Variants in ZNF827 observed in about 807,000 individuals in gnomAD.
The protein encoded by ZNF827 is zinc finger protein 827.
Under a neutral mutation model 102.4 loss-of-function variants are expected in ZNF827, and 13 were observed. The observed-to-expected ratio is 0.13, with a 90% CI of 0.08 to 0.20. The LOEUF (loss-of-function observed/expected upper bound fraction) is 0.20, where lower values mean the gene tolerates loss of function less well. ZNF827 is among the 10% of genes least tolerant of loss of function. ZNF827 has a pLI of 1.00. For missense variants in ZNF827, 1,103 were observed against 1,344.4 expected (o/e 0.82, Z 2.81); for synonymous variants, 523 against 536.2 (o/e 0.98, Z 0.34).
intron 2 of ZNF827, among the ~76,000 whole-genome samples, chr4:145,901,556 G>A (rs1751416227): frequency 6.6e-6 from 1 of 152,210 alleles, no homozygotes; most frequent in Non-Finnish European, 1.5e-5. Context: ...CAGGAAATGT[G>A]TTGATTATGT....
intron 1 of ZNF827, among the ~76,000 whole-genome samples, chr4:145,931,475 A>G (rs1378200495): frequency 6.6e-6 from 1 of 152,224 alleles, no homozygotes; most frequent in East Asian, 1.9e-4. Context: ...TTTTTTTCCA[A>G]TAAGAGAAAA....
At chr4:145,786,083 C>A (rs767509188) in intron 8 of ZNF827, among the ~76,000 whole-genome samples, 4 of 152,168 alleles carry the variant, frequency 2.6e-5, no homozygotes, top group African/African-American at 7.2e-5. Flanking sequence ...TTCCCTTGAA[C>A]CTTTCATTGC....
At position 145,849,190 on chromosome 4, in the gene ZNF827, G is replaced by A. The variant is rs1746278229; in HGVS notation, c.2221+132C>T. The A allele has an allele frequency of 7.3e-6, 9 of 1,231,348 alleles. No individual in the cohort carries two copies. In the South Asian group the frequency reaches 1.3e-4, roughly 18 times the overall value. The allele number at this position is 1,231,348 out of a possible 1,614,324, so 76.3% of individuals were successfully genotyped here. ...TGTTAGTTTGGGTGGCAGTATGCAT[G>A]TTAAAGCAACAAAATTGATTTCTGT... On this transcript the variant is annotated intron_variant, in intron 6 of 14. Coordinates refer to ENST00000508784, the MANE Select transcript of ZNF827 (RefSeq NM_001306215.2).
chr4:145,781,301 A>G (rs1267163266), intron 8 of ZNF827, among the ~76,000 whole-genome samples: 1 of 151,948 alleles, frequency 6.6e-6, no homozygotes, highest in Non-Finnish European at 1.5e-5. Context: ...ATTTCACACA[A>G]TTTGGCTAAA....
At chr4:145,906,093 G>A (rs934279651) in intron 1 of ZNF827, among the ~76,000 whole-genome samples, 1 of 152,160 alleles carries the variant, frequency 6.6e-6, no homozygotes, top group African/African-American at 2.4e-5. Context: ...GTTAAGTAAA[G>A]GTTACTGGCT....
chr4:145,937,086 T>A (rs1754238843), intron 1 of ZNF827, among the ~76,000 whole-genome samples: 1 of 152,034 alleles, frequency 6.6e-6, no homozygotes, highest in Non-Finnish European at 1.5e-5. Context: ...TTCTTTCTCC[T>A]TCACTTTTAG....
intron 1 of ZNF827, among the ~76,000 whole-genome samples, chr4:145,930,905 A>G (rs1220344910): frequency 6.6e-6 from 1 of 152,188 alleles, no homozygotes; most frequent in Non-Finnish European, 1.5e-5. Flanking sequence ...AATAAACAGC[A>G]ACATGTACCC....
intron 5 of ZNF827, among the ~76,000 whole-genome samples, chr4:145,859,140 A>C (rs1747464814): frequency 6.6e-6 from 1 of 152,144 alleles, no homozygotes; most frequent in South Asian, 2.1e-4. Flanking sequence ...ATCAGATAAT[A>C]ACAGAGACCA....
intron 7 of ZNF827, among the ~76,000 whole-genome samples, chr4:145,842,836 C>T (rs1745550207): frequency 6.6e-6 from 1 of 152,182 alleles, no homozygotes; most frequent in Non-Finnish European, 1.5e-5. Context: ...ATGAACCGTC[C>T]TTCTGAATGA....
intron 7 of ZNF827, among the ~76,000 whole-genome samples, chr4:145,825,752 G>A (rs11731491): frequency 0.043 from 6,558 of 152,242 alleles, 217 homozygotes; most frequent in Middle Eastern, 0.078. Context: ...GCTGATGTGA[G>A]GAGTGGAGCC....
chr4:145,920,017 A>G (rs539287964), intron 1 of ZNF827, among the ~76,000 whole-genome samples: 2 of 152,382 alleles, frequency 1.3e-5, no homozygotes, highest in South Asian at 4.1e-4. Flanking sequence ...TCCTGTTTAG[A>G]GTATAAGATA....
chr4:145,860,361 A>T (rs1747578750), intron 5 of ZNF827, among the ~76,000 whole-genome samples: 1 of 152,226 alleles, frequency 6.6e-6, no homozygotes. Context: ...TCTACCTCAA[A>T]ATAGCAGGAA....
Position 145,761,627 on chromosome 4 carries a change from T to TCAGCCGGGAAGGTTCGGAGG in ZNF827, c.*18-49_*18-30dup. 1 of 1,217,512 alleles carries TCAGCCGGGAAGGTTCGGAGG rather than the reference T, an allele frequency of 8.2e-7. No individual in the cohort carries two copies. The highest frequency in any genetic ancestry group is 1.4e-5 in the South Asian group (1 of 71,262). The allele number at this position is 1,217,512 out of a possible 1,614,324, so 75.4% of individuals were successfully genotyped here. On this transcript the variant is annotated intron_variant, in intron 14 of 14. Transcript: ENST00000508784. This position sits in a 1 kb window ranked among gnomAD's most constrained non-coding sequence, Gnocchi z 6.8. ...CCGGGGAAAGCAACGCAAGGGAGGT[T>TCAGCCGGGAAGGTTCGGAGG]CAGCCGGGAAGGTTCGGAGGCAGCC...
At chr4:145,873,237 A>T (rs1748864042) in intron 4 of ZNF827, among the ~76,000 whole-genome samples, 1 of 152,172 alleles carries the variant, frequency 6.6e-6, no homozygotes, top group Admixed American at 6.5e-5. Context: ...GCCTGGCCCA[A>T]CAATTTTTGT....
At chr4:145,824,683 T>C (rs9790518) in intron 7 of ZNF827, among the ~76,000 whole-genome samples, 78,796 of 151,798 alleles carry the variant, frequency 0.52, 21,945 homozygotes, top group East Asian at 0.76. Flanking sequence ...CTGAACCTTC[T>C]GGAAGGCAGG....
At chr4:145,835,222 C>T (rs970299205) in intron 7 of ZNF827, 9 of 152,242 alleles carry the variant, frequency 5.9e-5, no homozygotes, top group Non-Finnish European at 7.3e-5. Flanking sequence ...TGAAGACTGA[C>T]ACTGCCCGAT....
At chr4:145,926,098 G>C (rs1753398543) in intron 1 of ZNF827, among the ~76,000 whole-genome samples, 1 of 152,158 alleles carries the variant, frequency 6.6e-6, no homozygotes, top group African/African-American at 2.4e-5. Flanking sequence ...AGCTCCTTGA[G>C]AGCAGGGACC....
At chr4:145,778,599 G>A (rs574737317) in intron 9 of ZNF827, among the ~76,000 whole-genome samples, 3 of 152,084 alleles carry the variant, frequency 2.0e-5, no homozygotes, top group Non-Finnish European at 2.9e-5. Flanking sequence ...GTGACAGAGC[G>A]AGACCCTATC....
At position 145,768,098 on chromosome 4, in the gene ZNF827, G is replaced by A. The variant is rs563897143; in HGVS notation, c.2861-2360C>T. Among the ~76,000 whole-genome samples the A allele has an allele frequency of 4.6e-5, 7 of 152,282 alleles. No individual in the cohort carries two copies. In the South Asian group the frequency reaches 1.0e-3, roughly 23 times the overall value. On this transcript the variant is annotated intron_variant, in intron 11 of 14. Coordinates refer to ENST00000508784, the MANE Select transcript of ZNF827 (RefSeq NM_001306215.2). ...AGGAGAGAAATGGAAGTCTACTTGC[G>A]TGAGGTTCTTATACAACATATGAAG... is the stretch of plus-strand genomic sequence containing the variant.
Sources: gnomAD v4.1 joint callset for allele counts (sites outside exome capture counted in the v4.1 genomes callset) on GRCh38, gnomAD v4.1.1 for gene constraint, Gnocchi (gnomAD v3.1) non-coding constraint, MANE v1.5 for transcripts, NCBI Gene and HGNC (gene_info 2026-07-23, HGNC 2026-07-21) for gene names.